Variants in AK9 observed in about 807,000 individuals in gnomAD.
AK9 encodes the protein adenylate kinase domain containing 1.
A neutral mutation model predicts 239.6 loss-of-function variants in AK9; 191 were observed. That is an observed-to-expected ratio of 0.80 (90% CI 0.71 to 0.90). The LOEUF is 0.90. Ranked by LOEUF, AK9 falls within the 40% of genes least tolerant of loss-of-function variation. The pLI, the probability that AK9 is intolerant of heterozygous loss-of-function variation, is 0.00. For synonymous variants in AK9, 689 were observed against 721.0 expected (o/e 0.96, Z 0.71); for missense variants, 1,995 against 2,214.7 (o/e 0.90, Z 1.99).
chr6:109,684,731 G>A (rs1442841212), intron 1 of AK9, among the ~76,000 whole-genome samples: 10 of 141,360 alleles, frequency 7.1e-5, no homozygotes, highest in African/African-American at 2.5e-4. Context: ...AAAATTAGCC[G>A]GGCGTAGTGG....
chr6:109,574,323 G>A (rs1454318914), intron 20 of AK9, among the ~76,000 whole-genome samples: 2 of 152,116 alleles, frequency 1.3e-5, no homozygotes, highest in South Asian at 4.1e-4. Context: ...GCAGTGAGCT[G>A]AGATTGTGTC....
At chr6:109,569,616 A>G (rs558183290) in intron 21 of AK9, among the ~76,000 whole-genome samples, 1 of 152,330 alleles carries the variant, frequency 6.6e-6, no homozygotes, top group African/African-American at 2.4e-5. Flanking sequence ...AAAAGTGGGC[A>G]AAGGATATGA....
intron 32 of AK9, among the ~76,000 whole-genome samples, chr6:109,509,756 C>T (rs1778495394): frequency 6.6e-6 from 1 of 152,142 alleles, no homozygotes. Context: ...AGCTCTGGGC[C>T]TCCTGCTCCA....
chr6:109,657,810 T>C (rs770548707), intron 7 of AK9, among the ~76,000 whole-genome samples: 15 of 152,086 alleles, frequency 9.9e-5, no homozygotes, highest in Admixed American at 4.6e-4. Flanking sequence ...CACAAGTTTC[T>C]AGAGAAAGAA....
chr6:109,509,450 A>G, intron 32 of AK9, 70 bp from the exon 33 acceptor site: 1 of 1,339,676 alleles, frequency 7.5e-7, no homozygotes, highest in Non-Finnish European at 1.0e-6. Flanking sequence ...CAGTTTTGTT[A>G]CATGGGTATA....
chr6:109,629,782 G>A (rs1350313062), intron 12 of AK9, among the ~76,000 whole-genome samples: 5 of 152,092 alleles, frequency 3.3e-5, no homozygotes, highest in South Asian at 2.1e-4. Context: ...ACAGGCGCCC[G>A]TCACCGTGCC....
At chr6:109,659,794 G>C (rs1183370081) in intron 6 of AK9, among the ~76,000 whole-genome samples, 1 of 152,092 alleles carries the variant, frequency 6.6e-6, no homozygotes, top group Non-Finnish European at 1.5e-5. Context: ...GGGGGGAATA[G>C]CCACATATTT....
At chr6:109,650,779 A>C (rs1458454215) in intron 8 of AK9, among the ~76,000 whole-genome samples, 1 of 152,168 alleles carries the variant, frequency 6.6e-6, no homozygotes, top group Admixed American at 6.6e-5. Context: ...GACACATGCA[A>C]ACGTATGTTT....
intron 6 of AK9, among the ~76,000 whole-genome samples, chr6:109,662,034 TA>T (rs1214329689): frequency 6.6e-6 from 1 of 152,230 alleles, no homozygotes; most frequent in Non-Finnish European, 1.5e-5. Context: ...ATTTTATTAG[TA>T]AACTTACTAG....
rs1455754699 is a variant in AK9 at position 109,564,836 on chromosome 6, G to A, written c.2354C>T (p.Pro785Leu). The A allele has an allele frequency of 1.3e-6, 2 of 1,539,874 alleles. No homozygotes were observed. Among genetic ancestry groups the A allele is most frequent in the Admixed American group, 2.0e-5 (1 of 49,218 alleles). Residue 785 changes from proline (P) to leucine (L), a missense_variant, in exon 22 of 41, where the codon CCT becomes CTT. Around this residue, in one of 5 missense-constraint regions of AK9, gnomAD observed 1,290 missense variants for 1,392.7 expected, o/e 0.93. Coordinates refer to ENST00000424296, the MANE Select transcript of AK9 (RefSeq NM_001145128.3). The part of the protein sequence containing the change: ...PETEPEAVSE[P>L]IEETTVETEI... ...TGTTTCCACTGTAGTTTCCTCGATA[G>A]GCTCAGATACTTAAGAAAGAAATCG...
At chr6:109,528,142 G>A in intron 29 of AK9, 1 of 248,548 alleles carries the variant, frequency 4.0e-6, no homozygotes, top group South Asian at 4.8e-5. Flanking sequence ...GTGTTTAACT[G>A]CAAAGCCTGG....
At chr6:109,560,266 A>C (rs1785580519) in intron 24 of AK9, among the ~76,000 whole-genome samples, 1 of 152,144 alleles carries the variant, frequency 6.6e-6, no homozygotes, top group African/African-American at 2.4e-5. Context: ...AATGCCTTTT[A>C]TTTCTTTTCC....
At chr6:109,617,672 GA>G (rs1794335325) in intron 13 of AK9, among the ~76,000 whole-genome samples, 1 of 152,108 alleles carries the variant, frequency 6.6e-6, no homozygotes, top group South Asian at 2.1e-4. Flanking sequence ...TAATTAGAAA[GA>G]AGTATTATTT....
At chr6:109,583,765 C>T (rs1336139495) in intron 19 of AK9, among the ~76,000 whole-genome samples, 1 of 151,780 alleles carries the variant, frequency 6.6e-6, no homozygotes, top group Non-Finnish European at 1.5e-5. Flanking sequence ...GATATCTTTT[C>T]CTTTTTAAAA....
Position 109,564,821 on chromosome 6 carries a change from G to A in AK9, c.2369C>T (p.Thr790Ile). The A allele has an allele frequency of 6.5e-7, 1 of 1,545,332 alleles. No homozygotes were observed. Among genetic ancestry groups the A allele is most frequent in the Non-Finnish European group, 8.7e-7 (1 of 1,144,086 alleles). Residue 790 changes from threonine to isoleucine, a missense_variant, in exon 22 of 41, where the codon ACA becomes ATA. Around this residue, in one of 5 missense-constraint regions of AK9, gnomAD observed 1,290 missense variants for 1,392.7 expected, o/e 0.93. Coordinates refer to ENST00000424296, the MANE Select transcript of AK9 (RefSeq NM_001145128.3). ...EAVSEPIEET[T>I]VETEIPKGSK... The stretch of plus-strand genomic sequence containing the variant: ...TCCTTTTGGGATTTCTGTTTCCACT[G>A]TAGTTTCCTCGATAGGCTCAGATAC...
intron 10 of AK9, 87 bp from the exon 11 acceptor site, chr6:109,633,410 G>C: frequency 7.4e-7 from 1 of 1,344,358 alleles, no homozygotes; most frequent in Non-Finnish European, 1.0e-6. Context: ...TCATTTTATA[G>C]TGCTTTACTA....
chr6:109,622,866 T>C (rs947232436), intron 12 of AK9, among the ~76,000 whole-genome samples: 1 of 152,008 alleles, frequency 6.6e-6, no homozygotes, highest in African/African-American at 2.4e-5. Flanking sequence ...GCATGGACTT[T>C]AGGTTTGCAT....
chr6:109,574,674 C>T (rs555427412), intron 20 of AK9, among the ~76,000 whole-genome samples: 1 of 152,000 alleles, frequency 6.6e-6, no homozygotes, highest in Non-Finnish European at 1.5e-5. Flanking sequence ...AGGTTAAGAA[C>T]TCCAGTCTTT....
chr6:109,670,346 G>A (rs1583516798), intron 5 of AK9, among the ~76,000 whole-genome samples: 1 of 152,120 alleles, frequency 6.6e-6, no homozygotes, highest in South Asian at 2.1e-4. Context: ...GATATAAATG[G>A]AACATTATAC....
Sources: gnomAD v4.1 joint callset for allele counts (sites outside exome capture counted in the v4.1 genomes callset) on GRCh38, gnomAD v4.1.1 for gene constraint, gnomAD v4.1.1 regional missense constraint, MANE v1.5 for transcripts, NCBI Gene and HGNC (gene_info 2026-07-23, HGNC 2026-07-21) for gene names.